PAK1: variants seen among roughly 807,000 people sequenced by gnomAD.
The protein encoded by PAK1 is serine/threonine-protein kinase PAK 1.
In PAK1, 29 loss-of-function variants were observed where a neutral mutation model predicts 67.4. The observed-to-expected ratio is 0.43, with a 90% CI of 0.32 to 0.59. The LOEUF is 0.59. Ranked by LOEUF, PAK1 falls within the 20% of genes least tolerant of loss-of-function variation. PAK1 has a pLI of 0.07. For missense variants in PAK1, 337 were observed against 670.7 expected, an observed-to-expected ratio of 0.50 and a Z score of 5.50; for synonymous variants, 223 against 237.4, an observed-to-expected ratio of 0.94 and a Z score of 0.56.
chr11:77,343,972 C>T (rs763835876), intron 9 of PAK1, 41 bp from the exon 10 acceptor site: 11 of 1,331,550 alleles, frequency 8.3e-6, no homozygotes, highest in South Asian at 2.3e-5. Context: ...CATAGTCATT[C>T]CCATTTATTG....
At chr11:77,381,816 T>C (rs930082404) in intron 2 of PAK1, among the ~76,000 whole-genome samples, 5 of 152,230 alleles carry the variant, frequency 3.3e-5, no homozygotes, top group African/African-American at 4.8e-5. Flanking sequence ...AGTATCTTAA[T>C]GAGAACCATT....
the PAK1 span, among the ~76,000 whole-genome samples, chr11:77,520,252 G>A: frequency 1.3e-5 from 2 of 152,164 alleles, no homozygotes; most frequent in South Asian, 2.1e-4. Context: ...TAAGGATGAA[G>A]ACCACTCTTA....
intron 2 of PAK1, among the ~76,000 whole-genome samples, chr11:77,386,285 TA>T (rs1398208219): frequency 6.6e-6 from 1 of 152,202 alleles, no homozygotes; most frequent in Non-Finnish European, 1.5e-5. Flanking sequence ...CTCAAGGCAG[TA>T]AAACGTTCCA....
chr11:77,405,882 A>G (rs771679889), intron 1 of PAK1, among the ~76,000 whole-genome samples: 19 of 152,124 alleles, frequency 1.2e-4, no homozygotes, highest in Non-Finnish European at 2.2e-4. Context: ...AAGATTATCA[A>G]TTATCCCCAT....
intron 2 of PAK1, among the ~76,000 whole-genome samples, chr11:77,384,774 G>A (rs1950246917): frequency 6.6e-6 from 1 of 152,192 alleles, no homozygotes; most frequent in African/African-American, 2.4e-5. Flanking sequence ...CAATGAGTAT[G>A]AGGTTTCTTT....
Position 77,343,884 on chromosome 11 carries a change from C to A in PAK1, c.933G>T (p.Leu311=), listed in dbSNP as rs745338275. ...MNLQQQPKKE[L]IINEILVMRE... Reference sequence around the variant, plus strand: ...TCATGACCAGGATCTCATTAATAATCAGCTCTTTCTTGGGCTGCTGCTGAA... The same window carrying A: ...TCATGACCAGGATCTCATTAATAATAAGCTCTTTCTTGGGCTGCTGCTGAA... Residue 311 remains leucine (L), a synonymous_variant, in exon 10 of 15, where the codon CTG becomes CTT. Coordinates refer to ENST00000356341, the MANE Select transcript of PAK1 (RefSeq NM_002576.5). The A allele has an allele frequency of 1.9e-6, 3 of 1,613,524 alleles. No individual in the cohort carries two copies. The highest frequency in any genetic ancestry group is 2.7e-5 in the African/African-American group (2 of 74,890).
intron 10 of PAK1, among the ~76,000 whole-genome samples, chr11:77,342,906 C>T (rs902802313): frequency 3.5e-4 from 51 of 146,474 alleles, no homozygotes; most frequent in African/African-American, 1.1e-3. Context: ...TTTCAGGTAT[C>T]GGAGAAAAGA....
chr11:77,362,774 G>T (rs775026855), intron 5 of PAK1, among the ~76,000 whole-genome samples: 1 of 152,190 alleles, frequency 6.6e-6, no homozygotes, highest in Non-Finnish European at 1.5e-5. Context: ...AAATGAATAT[G>T]TCTTATCCAA....
At chr11:77,360,841 C>G (rs1946687084) in intron 5 of PAK1, among the ~76,000 whole-genome samples, 1 of 152,104 alleles carries the variant, frequency 6.6e-6, no homozygotes, top group African/African-American at 2.4e-5. Context: ...CTCTGCCTAC[C>G]TCAGAAGGCC....
At position 77,323,042 on chromosome 11, in the gene PAK1, G is replaced by T. The variant is rs1591605791; in HGVS notation, c.*232C>A. 1 of 760,324 alleles carries T rather than the reference G, an allele frequency of 1.3e-6. No individual in the cohort carries two copies. Among genetic ancestry groups the T allele is most frequent in the East Asian group, 2.7e-5 (1 of 37,426 alleles). 47.1% of individuals were successfully genotyped at this position (760,324 alleles called of 1,614,324 possible). A position where few individuals can be genotyped will look rare whatever the true frequency, so the allele number is the denominator to read the frequency against. Reference sequence around the variant, plus strand: ...AATCATAAACCACCCTCATATCCATGAATTGGGAGGAAATTCCTTATTTAG... The same window carrying T: ...AATCATAAACCACCCTCATATCCATTAATTGGGAGGAAATTCCTTATTTAG... On this transcript the variant is annotated 3_prime_UTR_variant, in exon 15 of 15. Transcript: ENST00000356341.
At chr11:77,323,424 C>T (rs890661418) in intron 14 of PAK1, 64 bp from the exon 15 acceptor site, 44 of 1,106,638 alleles carry the variant, frequency 4.0e-5, no homozygotes, top group Non-Finnish European at 5.7e-5. Context: ...GTAACCATTA[C>T]AAGACATAAA....
chr11:77,437,527 A>C (rs142486043), intron 1 of PAK1, among the ~76,000 whole-genome samples: 77 of 152,246 alleles, frequency 5.1e-4, no homozygotes, highest in South Asian at 3.3e-3. Context: ...TTCTCAACAA[A>C]AGTTGATTTT....
chr11:77,417,718 T>G (rs1320979661), intron 1 of PAK1, among the ~76,000 whole-genome samples: 1 of 147,142 alleles, frequency 6.8e-6, no homozygotes, highest in Non-Finnish European at 1.5e-5. Context: ...AGAGGGATTC[T>G]GCGTTTTCTT....
chr11:77,355,336 C>G (rs1471104783), intron 7 of PAK1, among the ~76,000 whole-genome samples: 4 of 152,176 alleles, frequency 2.6e-5, no homozygotes, highest in Non-Finnish European at 5.9e-5. Flanking sequence ...CCCTTTTCCA[C>G]TAGGTCCTCA....
intron 10 of PAK1, among the ~76,000 whole-genome samples, chr11:77,342,878 A>C (rs915263334): frequency 3.2e-4 from 26 of 80,738 alleles, no homozygotes; most frequent in Non-Finnish European, 4.7e-4. Context: ...CTGGGCAAGA[A>C]GCTTAACTTT....
chr11:77,349,408 C>A (rs1010680456), intron 8 of PAK1, 121 bp from the exon 9 acceptor site: 1 of 750,020 alleles, frequency 1.3e-6, no homozygotes, highest in Non-Finnish European at 2.3e-6. Flanking sequence ...TAAAAATAAT[C>A]CTCTCCCTGC....
At chr11:77,524,836 A>G in the PAK1 span, among the ~76,000 whole-genome samples, 3 of 152,164 alleles carry the variant, frequency 2.0e-5, no homozygotes, top group African/African-American at 7.2e-5. Context: ...TGACACACAA[A>G]TGTTTGTCAA....
At chr11:77,434,922 A>G (rs1219012553) in intron 1 of PAK1, among the ~76,000 whole-genome samples, 1 of 151,916 alleles carries the variant, frequency 6.6e-6, no homozygotes, top group Admixed American at 6.6e-5. Context: ...CCTGGCCCAG[A>G]TAATTTTTGA....
intron 1 of PAK1, among the ~76,000 whole-genome samples, chr11:77,420,033 G>A (rs1156301157): frequency 6.6e-6 from 1 of 152,208 alleles, no homozygotes. Context: ...AAAGCAACCA[G>A]TCATAAGTCA....
Sources: allele counts gnomAD v4.1 joint callset (sites outside exome capture counted in the v4.1 genomes callset), GRCh38; gene constraint gnomAD v4.1.1; transcripts MANE v1.5; gene names NCBI Gene and HGNC (gene_info 2026-07-23, HGNC 2026-07-21).